Variants in PCIF1 observed in about 807,000 individuals in gnomAD.
The protein encoded by PCIF1 is phosphorylated CTD interacting factor 1, also known as mRNA (2'-O-methyladenosine-N(6)-)-methyltransferase.
A neutral mutation model predicts 86.9 loss-of-function variants in PCIF1; 12 were observed. The ratio of observed to expected loss-of-function variants is 0.14; its 90% CI spans 0.09 to 0.22. PCIF1 has a LOEUF of 0.22. PCIF1 is among the 10% of genes least tolerant of loss of function. The pLI is 1.00. For synonymous variants in PCIF1, 397 were observed against 372.0 expected (o/e 1.07, Z -0.77); for missense variants, 701 against 951.1 (o/e 0.74, Z 3.46).
chr20:45,943,623 G>T lies in PCIF1; in HGVS notation c.906-43G>T, dbSNP rs1162206900. Reference sequence around the variant, plus strand: ...CCATGGAATTGGGATGAGGAGGGTGGAGCCAAGCCATTCCTTTCTTCTGCC... The same window carrying T: ...CCATGGAATTGGGATGAGGAGGGTGTAGCCAAGCCATTCCTTTCTTCTGCC... On this transcript the variant is annotated intron_variant, in intron 9 of 16. Transcript: ENST00000372409. The surrounding 1 kb of genome is among the most constrained non-coding windows in gnomAD (Gnocchi z 5.5). 2.0e-6 allele frequency: 3 copies of T among 1,526,282 alleles called. No homozygotes were observed. The South Asian group carries it at 3.6e-5, about 18-fold the overall frequency. The allele number at this position is 1,526,282 out of a possible 1,614,324, so 94.5% of individuals were successfully genotyped here. A position where few individuals can be genotyped will look rare whatever the true frequency, so the allele number is the denominator to read the frequency against.
chr20:45,942,718 G>C (rs889129105), intron 7 of PCIF1, among the ~76,000 whole-genome samples: 3 of 148,096 alleles, frequency 2.0e-5, no homozygotes, highest in Admixed American at 6.7e-5. Flanking sequence ...GGGTTCAAGC[G>C]ATCCTCCCGC....
chr20:45,935,599 G>A (rs1885843925), intron 1 of PCIF1, among the ~76,000 whole-genome samples: 1 of 152,136 alleles, frequency 6.6e-6, no homozygotes, highest in Non-Finnish European at 1.5e-5. Flanking sequence ...CCAACCCAGG[G>A]GCTGGTACTT....
At chr20:45,941,523 C>T (rs933840585) in intron 7 of PCIF1, among the ~76,000 whole-genome samples, 1 of 152,056 alleles carries the variant, frequency 6.6e-6, no homozygotes, top group Non-Finnish European at 1.5e-5. Context: ...GCACCATCTC[C>T]GCTCACTGCA....
chr20:45,940,253 T>C (rs1246181584), intron 4 of PCIF1, among the ~76,000 whole-genome samples: 2 of 152,210 alleles, frequency 1.3e-5, no homozygotes, highest in Non-Finnish European at 2.9e-5. Context: ...GGGATTAGCA[T>C]GGCCATTCTG....
rs747426641 is a variant in PCIF1, at chr20:45,943,253, C to G, written c.821+9C>G. ...AACGACATTCCTATCAGGTACAGCTCCACAGCTGGGGATGACCCTGGGCCA... is the reference window on the plus strand; with the variant it reads ...AACGACATTCCTATCAGGTACAGCTGCACAGCTGGGGATGACCCTGGGCCA... On this transcript the variant is annotated intron_variant, in intron 8 of 16. Transcript: ENST00000372409. The surrounding 1 kb of genome is among the most constrained non-coding windows in gnomAD (Gnocchi z 5.5). 8 of 1,614,050 alleles carry G rather than the reference C, an allele frequency of 5.0e-6. No individual in the cohort carries two copies. The East Asian group carries it at 1.8e-4, about 36-fold the overall frequency.
At position 45,943,802 on chromosome 20, in the gene PCIF1, G is replaced by T; in HGVS notation, c.1005+37G>T. ...CCCGGGTGAGAAGGCCAGTTTTAGG[G>T]CTCTGTGGCCACTTCCTCCAGGAAG... On this transcript the variant is annotated intron_variant, in intron 10 of 16. Transcript: ENST00000372409. The surrounding 1 kb of genome is among the most constrained non-coding windows in gnomAD (Gnocchi z 5.5). 1 of 1,512,710 alleles carries T rather than the reference G, an allele frequency of 6.6e-7. No homozygotes were observed. Among genetic ancestry groups the T allele is most frequent in the Non-Finnish European group, 9.0e-7 (1 of 1,113,980 alleles). The allele number at this position is 1,512,710 out of a possible 1,614,324, so 93.7% of individuals were successfully genotyped here. A position where few individuals can be genotyped will look rare whatever the true frequency, so the allele number is the denominator to read the frequency against.
chr20:45,946,906 C>T (rs143850023), intron 14 of PCIF1, among the ~76,000 whole-genome samples, 167 bp from the exon 15 acceptor site: 1 of 152,294 alleles, frequency 6.6e-6, no homozygotes, highest in African/African-American at 2.4e-5. Flanking sequence ...TGTCCTCATT[C>T]ATTCAGTGGA....
At chr20:45,937,257 G>A (rs1394767988) in intron 1 of PCIF1, among the ~76,000 whole-genome samples, 161 bp from the exon 2 acceptor site, 1 of 152,220 alleles carries the variant, frequency 6.6e-6, no homozygotes, top group Non-Finnish European at 1.5e-5. Context: ...CTATTGGTGA[G>A]AAAGCTTAAG....
intron 7 of PCIF1, 134 bp downstream of exon 7, chr20:45,941,341 G>A: frequency 9.8e-7 from 1 of 1,025,194 alleles, no homozygotes; most frequent in South Asian, 1.6e-5. Context: ...ACTCCAGCCT[G>A]AGTGACAGAG....
rs2083544556 is a variant in PCIF1 at position 45,947,624 on chromosome 20, G to A, written c.1984G>A (p.Glu662Lys). 1.9e-6 allele frequency: 3 copies of A among 1,612,826 alleles called. No homozygotes were observed. The highest frequency in any genetic ancestry group is 2.5e-6 in the Non-Finnish European group (3 of 1,180,004). The change falls in exon 17 of 17, where the codon GAG (glutamate) becomes AAG (lysine). Residue 662 changes from glutamate (E) to lysine (K), a missense_variant. By Grantham distance (56) the Glu-to-Lys change is moderately conservative (BLOSUM62 1). This residue lies in a region of PCIF1 where 174 missense variants were observed against 206.9 expected (regional missense o/e 0.84). Transcript: ENST00000372409. This position sits in a 1 kb window ranked among gnomAD's most constrained non-coding sequence, Gnocchi z 5.4. Reference protein sequence around the residue: ...KWAPTPERLQELSAAYRQSGR... With the variant: ...KWAPTPERLQKLSAAYRQSGR... ...GGCGCCGACGCCTGAACGGCTGCAGGAGCTGAGTGCTGCCTACCGGCAGTC... is the reference window on the plus strand; with the variant it reads ...GGCGCCGACGCCTGAACGGCTGCAGAAGCTGAGTGCTGCCTACCGGCAGTC...
rs1014968631 is a variant in PCIF1, at chr20:45,947,935, A to G, written c.*180A>G. ...CAAACTCCCTCCAAGTCCCATGTAT[A>G]TAGGTCCTGATGCCTTCCCAACCCC... On this transcript the variant is annotated 3_prime_UTR_variant, in exon 17 of 17. Transcript: ENST00000372409. This position sits in a 1 kb window ranked among gnomAD's most constrained non-coding sequence, Gnocchi z 5.4. 3.2e-5 allele frequency: 49 copies of G among 1,533,114 alleles called. No homozygotes were observed. Among genetic ancestry groups the G allele is most frequent in the Non-Finnish European group, 4.1e-5 (47 of 1,146,008 alleles). The allele number at this position is 1,533,114 out of a possible 1,614,324, so 95.0% of individuals were successfully genotyped here.
At position 45,945,770 on chromosome 20, in the gene PCIF1, G is replaced by T; in HGVS notation, c.1228G>T (p.Ala410Ser). 8.1e-6 allele frequency: 13 copies of T among 1,613,948 alleles called. No individual in the cohort carries two copies. Among genetic ancestry groups the T allele is most frequent in the Middle Eastern group, 3.3e-4 (2 of 6,060 alleles). Residue 410 changes from alanine to serine, a missense_variant, in exon 12 of 17, where the codon GCT (alanine) becomes TCT (serine). Physicochemically the swap from Ala to Ser is moderately conservative, Grantham distance 99. Transcript: ENST00000372409. ...RLVYCYPVRLAVSAPPMPSVE... is the reference protein window; with the variant it reads ...RLVYCYPVRLSVSAPPMPSVE... ...AGTGTACTGCTACCCAGTCCGGCTG[G>T]CTGTGTCTGCACCGCCCATGCCCAG...
intron 7 of PCIF1, among the ~76,000 whole-genome samples, chr20:45,942,254 G>A (rs977586075): frequency 2.0e-5 from 3 of 148,772 alleles, no homozygotes; most frequent in African/African-American, 7.4e-5. Flanking sequence ...GATTACAGGC[G>A]TGAGCTACCG....
chr20:45,940,897 C>T lies in PCIF1; in HGVS notation c.476C>T (p.Ser159Phe). The T allele has an allele frequency of 1.2e-6, 2 of 1,614,166 alleles. No homozygotes were observed. Among genetic ancestry groups the T allele is most frequent in the Non-Finnish European group, 1.7e-6 (2 of 1,180,024 alleles). ...CCAACGCTGAAGATGTGGGGTACGT[C>T]CCCTGAAGATAAACAGCAGGCAGCT... ...GTPTLKMWGT[S>F]PEDKQQAALL... The change falls in exon 6 of 17, where the codon TCC becomes TTC. Residue 159 changes from serine to phenylalanine, a missense_variant. Coordinates refer to ENST00000372409, the MANE Select transcript of PCIF1 (RefSeq NM_022104.4).
At chr20:45,942,338 G>C (rs570316573) in intron 7 of PCIF1, among the ~76,000 whole-genome samples, 8 of 139,278 alleles carry the variant, frequency 5.7e-5, no homozygotes, top group African/African-American at 2.2e-4. Context: ...TTCTAAGATG[G>C]AGTTTTGTTC....
At chr20:45,946,510 CTA>C in intron 14 of PCIF1, 126 bp downstream of exon 14, 1 of 1,148,100 alleles carries the variant, frequency 8.7e-7, no homozygotes, top group South Asian at 1.4e-5. Flanking sequence ...CTCTTACCGG[CTA>C]TGTGACCTTG....
Position 45,946,251 on chromosome 20 carries a change from C to G in PCIF1, c.1480C>G (p.Pro494Ala), listed in dbSNP as rs2083525278. Residue 494 changes from proline (P) to alanine (A), a missense_variant, in exon 14 of 17, where the codon CCT (proline) becomes GCT (alanine). By Grantham distance (27) the Pro-to-Ala change is conservative. Coordinates refer to ENST00000372409, the MANE Select transcript of PCIF1 (RefSeq NM_022104.4). ...GGGGACTGGCCTGCAGGGATCGCTG[C>G]CTGTGCATGTCTTTGAGGCCCTCCA... is the stretch of plus-strand genomic sequence containing the variant. Reference protein sequence around the residue: ...YEGTGLQGSLPVHVFEALHRL... With the variant: ...YEGTGLQGSLAVHVFEALHRL... 6.2e-7 allele frequency: 1 copy of G among 1,614,068 alleles called. No homozygotes were observed. The highest frequency in any genetic ancestry group is 8.5e-7 in the Non-Finnish European group (1 of 1,180,046).
At position 45,935,205 on chromosome 20, in the gene PCIF1, C is replaced by T. The variant is rs192256025; in HGVS notation, c.-188+401C>T. ...GGGGAGGGGAAGGTGCGCGCGCGCGCGCGCGCTGGAGCTCGCCTCTCGCCT... is the reference window on the plus strand; with the variant it reads ...GGGGAGGGGAAGGTGCGCGCGCGCGTGCGCGCTGGAGCTCGCCTCTCGCCT... On this transcript the variant is annotated intron_variant, in intron 1 of 16. Transcript: ENST00000372409. Among the ~76,000 whole-genome samples the T allele has an allele frequency of 4.1e-3, 625 of 151,210 alleles. 7 individuals carry two copies. The highest frequency in any genetic ancestry group is 0.014 in the African/African-American group (584 of 41,272).
At chr20:45,941,997 A>T (rs2083474795) in intron 7 of PCIF1, among the ~76,000 whole-genome samples, 1 of 129,808 alleles carries the variant, frequency 7.7e-6, no homozygotes, top group African/African-American at 3.0e-5. Context: ...TTTTCTTGAG[A>T]CGGCGTCTCG....
Sources: gnomAD v4.1 joint callset for allele counts (sites outside exome capture counted in the v4.1 genomes callset) on GRCh38, gnomAD v4.1.1 for gene constraint, gnomAD v4.1.1 regional missense constraint, Gnocchi (gnomAD v3.1) non-coding constraint, MANE v1.5 for transcripts, NCBI Gene and HGNC (gene_info 2026-07-23, HGNC 2026-07-21) for gene names.